The following ATL1 variants were observed in gnomAD, a reference collection of about 807,000 sequenced individuals.
ATL1 encodes the protein atlastin GTPase 1, also known as atlastin-1.
ATL1 carries 31 observed loss-of-function variants against 75.5 expected under a neutral mutation model. That is an observed-to-expected ratio of 0.41 (90% confidence interval 0.31 to 0.55). ATL1 has a LOEUF of 0.55. Ranked by LOEUF, ATL1 falls within the 20% of genes least tolerant of loss-of-function variation. The pLI is 0.27. For synonymous variants in ATL1, 226 were observed against 233.3 expected, an observed-to-expected ratio of 0.97 and a Z score of 0.28; for missense variants, 405 against 662.6, an observed-to-expected ratio of 0.61 and a Z score of 4.27.
At chr14:50,569,050 T>A (rs1054936387) in intron 1 of ATL1, among the ~76,000 whole-genome samples, 4 of 152,150 alleles carry the variant, frequency 2.6e-5, no homozygotes, top group South Asian at 2.1e-4. Context: ...ACTGTTTTTT[T>A]AAAATGCACT....
chr14:50,557,302 T>C (rs1201216041), upstream of ATL1, among the ~76,000 whole-genome samples: 1 of 152,252 alleles, frequency 6.6e-6, no homozygotes, highest in African/African-American at 2.4e-5. Flanking sequence ...CCTCTTCCCA[T>C]TCTTCCATTA....
At chr14:50,593,917 T>C in intron 5 of ATL1, 21 bp downstream of exon 5, 1 of 1,580,898 alleles carries the variant, frequency 6.3e-7, no homozygotes, top group Non-Finnish European at 8.7e-7. Context: ...TTATTTTCTT[T>C]TTTGTGTATC....
chr14:50,620,810 C>A, intron 9 of ATL1, 84 bp downstream of exon 9: 4 of 1,474,262 alleles, frequency 2.7e-6, no homozygotes, highest in Middle Eastern at 1.8e-4. Context: ...ATTATAGACC[C>A]GATAATATGG....
At chr14:50,551,115 T>C (rs1259626934) in intron 1 of ATL1, among the ~76,000 whole-genome samples, 3 of 151,866 alleles carry the variant, frequency 2.0e-5, no homozygotes, top group Admixed American at 2.0e-4. Flanking sequence ...ATAAACAAAA[T>C]TGATAGACCA....
chr14:50,533,583 T>A (rs976927086), intron 1 of ATL1, among the ~76,000 whole-genome samples: 1 of 152,182 alleles, frequency 6.6e-6, no homozygotes, highest in African/African-American at 2.4e-5. Context: ...TTGCCAGTGT[T>A]ACATTATACT....
At chr14:50,609,899 GT>G (rs1214814432) in intron 6 of ATL1, among the ~76,000 whole-genome samples, 3 of 151,658 alleles carry the variant, frequency 2.0e-5, no homozygotes, top group Non-Finnish European at 2.9e-5. Context: ...GATTTTTTTT[GT>G]TCGTGATACT....
rs576483117 is a variant in ATL1, at chr14:50,596,303, T to C, written c.630+671T>C. ...GGGCAACATAGTGAGAGATGGTGTC[T>C]CTTAAAAAAAAAAAATTCTAAATTT... On this transcript the variant is annotated intron_variant, in intron 6 of 13. Coordinates refer to ENST00000358385, the MANE Select transcript of ATL1 (RefSeq NM_015915.5). Among the ~76,000 whole-genome samples the C allele has an allele frequency of 8.6e-5, 13 of 151,624 alleles. 1 individual carries two copies. The South Asian group carries it at 2.7e-3, about 32-fold the overall frequency.
intron 1 of ATL1, among the ~76,000 whole-genome samples, chr14:50,534,647 G>A (rs934000926): frequency 6.6e-6 from 1 of 152,208 alleles, no homozygotes; most frequent in Non-Finnish European, 1.5e-5. Context: ...TCAACCTAGA[G>A]GCAGATAGCA....
Position 50,544,936 on chromosome 14 carries a change from CAAAAAAAAAAAAAA to C in ATL1, c.-140+11582_-140+11595del, listed in dbSNP as rs35420627. ...TGAGTGACAGAGTGAGACCCACTCT[CAAAAAAAAAAAAAA>C]AAAAAAAAAAAAGAAGCCAACTATA... is the stretch of plus-strand genomic sequence containing the variant. On this transcript the variant is annotated intron_variant, in intron 1 of 13. Coordinates refer to the ATL1 transcript ENST00000441560. Among the ~76,000 whole-genome samples, 12 of 58,478 alleles carry C rather than the reference CAAAAAAAAAAAAAA, an allele frequency of 2.1e-4. 1 individual carries two copies. Among genetic ancestry groups the C allele is most frequent in the African/African-American group, 7.0e-4 (11 of 15,766 alleles). 38.4% of individuals were successfully genotyped at this position (58,478 alleles called of 152,430 possible).
intron 1 of ATL1, among the ~76,000 whole-genome samples, chr14:50,585,932 C>T (rs976501134): frequency 6.6e-5 from 10 of 152,062 alleles, no homozygotes; most frequent in African/African-American, 1.7e-4. Flanking sequence ...TATGATTGTT[C>T]AGAAAGTAGT....
Position 50,593,908 on chromosome 14 carries a change from T to A in ATL1, c.573+12T>A. 6.3e-7 allele frequency: 1 copy of A among 1,599,048 alleles called. No individual in the cohort carries two copies. The highest frequency in any genetic ancestry group is 1.1e-5 in the South Asian group (1 of 90,724). Reference sequence around the variant, plus strand: ...TTCAGCACCTCCAGGTAACAATATTTATTTTCTTTTTTGTGTATCTGGTAG... The same window carrying A: ...TTCAGCACCTCCAGGTAACAATATTAATTTTCTTTTTTGTGTATCTGGTAG... On this transcript the variant is annotated intron_variant, in intron 5 of 13. Transcript: ENST00000358385.
chr14:50,535,051 A>G (rs1467666014), intron 1 of ATL1, among the ~76,000 whole-genome samples: 1 of 152,254 alleles, frequency 6.6e-6, no homozygotes, highest in African/African-American at 2.4e-5. Flanking sequence ...ATATGGCTTG[A>G]TAGGTCCTTC....
chr14:50,593,733 C>A (rs530142200), intron 4 of ATL1, 113 bp from the exon 5 acceptor site: 2 of 696,068 alleles, frequency 2.9e-6, no homozygotes. Flanking sequence ...TAAGCATGTA[C>A]ATAAGAGAGT....
chr14:50,620,832 C>T (rs1398174595), intron 9 of ATL1, 106 bp downstream of exon 9: 35 of 1,301,530 alleles, frequency 2.7e-5, no homozygotes, highest in Non-Finnish European at 3.1e-5. Context: ...AGCAAAGGTA[C>T]GAGGAATCTA....
At chr14:50,551,416 A>G (rs1595572598) in intron 1 of ATL1, among the ~76,000 whole-genome samples, 1 of 152,124 alleles carries the variant, frequency 6.6e-6, no homozygotes, top group Non-Finnish European at 1.5e-5. Context: ...TCAGGATCAG[A>G]TGGAGTCACA....
chr14:50,559,242 TCTC>T (rs2038802775), upstream of ATL1: 2 of 152,070 alleles, frequency 1.3e-5, no homozygotes, highest in South Asian at 4.1e-4. Context: ...CTGGCAGTGA[TCTC>T]CTAAGAACCG....
At chr14:50,622,235 T>G (rs1210577816) in intron 10 of ATL1, among the ~76,000 whole-genome samples, 1 of 152,202 alleles carries the variant, frequency 6.6e-6, no homozygotes, top group Non-Finnish European at 1.5e-5. Flanking sequence ...CCACAAACAT[T>G]TTTTTAAAAT....
intron 1 of ATL1, among the ~76,000 whole-genome samples, chr14:50,566,717 C>T (rs951715902): frequency 6.6e-6 from 1 of 151,912 alleles, no homozygotes; most frequent in African/African-American, 2.4e-5. Context: ...TTATATAAGT[C>T]CTTTGCTGAT....
intron 1 of ATL1, among the ~76,000 whole-genome samples, chr14:50,549,235 G>C (rs1208776111): frequency 6.6e-6 from 1 of 152,114 alleles, no homozygotes; most frequent in Non-Finnish European, 1.5e-5. Context: ...CAACACCAAT[G>C]GTCAGTGGTC....
Sources: allele counts gnomAD v4.1 joint callset (sites outside exome capture counted in the v4.1 genomes callset), GRCh38; gene constraint gnomAD v4.1.1; transcripts MANE v1.5; gene names NCBI Gene and HGNC (gene_info 2026-07-23, HGNC 2026-07-21).